Variants in AGTPBP1 observed in about 807,000 individuals in gnomAD.
AGTPBP1 encodes the protein ATP/GTP binding carboxypeptidase 1, also known as cytosolic carboxypeptidase 1.
Under a neutral mutation model 143.9 loss-of-function variants are expected in AGTPBP1, and 70 were observed. That is an observed-to-expected ratio of 0.49 (90% CI 0.40 to 0.59). The LOEUF (loss-of-function observed/expected upper bound fraction) is 0.59. AGTPBP1 is among the 20% of genes least tolerant of loss of function. AGTPBP1 has a pLI of 0.00. For synonymous variants in AGTPBP1, 463 were observed against 500.2 expected (o/e 0.93, Z 0.99); for missense variants, 1,229 against 1,464.5 (o/e 0.84, Z 2.62).
intron 15 of AGTPBP1, among the ~76,000 whole-genome samples, chr9:85,620,420 TAAAAAA>T (rs67311066): frequency 1.9e-5 from 2 of 103,908 alleles, no homozygotes; most frequent in East Asian, 5.2e-4. Flanking sequence ...GGACTTCATC[TAAAAAA>T]AAAAAAAAAA....
chr9:85,744,083 C>T (rs990208852), upstream of AGTPBP1, among the ~76,000 whole-genome samples: 2 of 151,908 alleles, frequency 1.3e-5, no homozygotes, highest in African/African-American at 4.8e-5. Flanking sequence ...CACACGTCAC[C>T]ACACCTGGCT....
chr9:85,664,924 C>T (rs1409127405), intron 8 of AGTPBP1, among the ~76,000 whole-genome samples: 5 of 152,128 alleles, frequency 3.3e-5, no homozygotes, highest in Non-Finnish European at 7.4e-5. Flanking sequence ...CCATCAAAAA[C>T]TTTAACTTCT....
chr9:85,657,195 T>A (rs966241752), intron 10 of AGTPBP1, among the ~76,000 whole-genome samples: 1,407 of 109,144 alleles, frequency 0.013, 15 homozygotes, highest in African/African-American at 0.05. Flanking sequence ...AAAAAAAAAA[T>A]AATACAAAAA....
At chr9:85,603,675 G>GGC (rs2133352955) in intron 17 of AGTPBP1, among the ~76,000 whole-genome samples, 1 of 152,024 alleles carries the variant, frequency 6.6e-6, no homozygotes, top group South Asian at 2.1e-4. Flanking sequence ...GTACCAAGAG[G>GGC]GCCCCTAGGG....
chr9:85,773,618 G>T, the AGTPBP1 span, among the ~76,000 whole-genome samples: 1 of 151,936 alleles, frequency 6.6e-6, no homozygotes, highest in African/African-American at 2.4e-5. Flanking sequence ...GACTACAGAC[G>T]TGAGCCACCG....
At chr9:85,617,652 A>G (rs1830669879) in intron 17 of AGTPBP1, among the ~76,000 whole-genome samples, 1 of 152,186 alleles carries the variant, frequency 6.6e-6, no homozygotes, top group South Asian at 2.1e-4. Context: ...GACAAATAGT[A>G]GGGAAAACCA....
At chr9:85,715,803 T>C (rs946368804) in intron 1 of AGTPBP1, among the ~76,000 whole-genome samples, 1 of 152,162 alleles carries the variant, frequency 6.6e-6, no homozygotes, top group African/African-American at 2.4e-5. Context: ...AAGTGTTGCA[T>C]TTCACCAAGT....
chr9:85,725,876 T>C (rs1838443023), intron 1 of AGTPBP1, among the ~76,000 whole-genome samples: 1 of 150,832 alleles, frequency 6.6e-6, no homozygotes, highest in South Asian at 2.1e-4. Flanking sequence ...CGAAATCCCG[T>C]CTCTACTAAA....
the AGTPBP1 span, among the ~76,000 whole-genome samples, chr9:85,754,703 A>G: frequency 2.6e-5 from 4 of 152,148 alleles, no homozygotes; most frequent in African/African-American, 9.7e-5. Context: ...TCTCTACCTT[A>G]CTTTAGAAAG....
At chr9:85,796,712 A>G in the AGTPBP1 span, among the ~76,000 whole-genome samples, 1 of 152,196 alleles carries the variant, frequency 6.6e-6, no homozygotes, top group Non-Finnish European at 1.5e-5. Flanking sequence ...TGTGATTATT[A>G]CACATTGCAT....
chr9:85,732,360 G>A (rs144434511), intron 1 of AGTPBP1, among the ~76,000 whole-genome samples: 3 of 151,630 alleles, frequency 2.0e-5, no homozygotes, highest in Non-Finnish European at 2.9e-5. Flanking sequence ...GACTACAGGC[G>A]CCCACCACCA....
intron 11 of AGTPBP1, among the ~76,000 whole-genome samples, chr9:85,654,717 C>T (rs1296930634): frequency 6.6e-6 from 1 of 151,928 alleles, no homozygotes; most frequent in African/African-American, 2.4e-5. Context: ...GTGGCACAGG[C>T]CTGTGATCCT....
At chr9:85,767,986 A>C in the AGTPBP1 span, among the ~76,000 whole-genome samples, 1 of 152,166 alleles carries the variant, frequency 6.6e-6, no homozygotes, top group African/African-American at 2.4e-5. Context: ...ATTAAAGTTG[A>C]AAAGCAGTGC....
chr9:85,672,074 T>TC (rs1834516086), intron 7 of AGTPBP1, among the ~76,000 whole-genome samples: 1 of 148,330 alleles, frequency 6.7e-6, no homozygotes, highest in Non-Finnish European at 1.5e-5. Context: ...AACTTAACCT[T>TC]TTTTTTTTTT....
At chr9:85,685,440 T>C (rs1454174638) in intron 3 of AGTPBP1, among the ~76,000 whole-genome samples, 1 of 152,032 alleles carries the variant, frequency 6.6e-6, no homozygotes, top group Non-Finnish European at 1.5e-5. Context: ...TTTGAAATTA[T>C]GGAGGCCATA....
chr9:85,563,656 G>C (rs1027777103), intron 25 of AGTPBP1, among the ~76,000 whole-genome samples: 5 of 152,140 alleles, frequency 3.3e-5, no homozygotes, highest in Non-Finnish European at 7.4e-5. Flanking sequence ...TGGGAGGAGA[G>C]AATACCAAGG....
At chr9:85,790,167 A>G in the AGTPBP1 span, among the ~76,000 whole-genome samples, 1 of 152,214 alleles carries the variant, frequency 6.6e-6, no homozygotes, top group Non-Finnish European at 1.5e-5. Flanking sequence ...AAAACTGAAA[A>G]TAAAGGCGAG....
intron 1 of AGTPBP1, among the ~76,000 whole-genome samples, chr9:85,730,136 ACT>A (rs1450421074): frequency 6.6e-6 from 1 of 151,990 alleles, no homozygotes; most frequent in Non-Finnish European, 1.5e-5. Context: ...AAAAGAGGTA[ACT>A]CTCTTGGTTT....
At chr9:85,770,383 A>T in the AGTPBP1 span, 6 of 1,604,858 alleles carry the variant, frequency 3.7e-6, no homozygotes, top group Non-Finnish European at 5.1e-6. Context: ...GAAGTCACTT[A>T]GAGCATCATT....
Sources: allele counts gnomAD v4.1 joint callset (sites outside exome capture counted in the v4.1 genomes callset), GRCh38; gene constraint gnomAD v4.1.1; transcripts MANE v1.5; gene names NCBI Gene and HGNC (gene_info 2026-07-23, HGNC 2026-07-21).